Variants in RGL1 observed in about 807,000 individuals in gnomAD.
RGL1 encodes ral guanine nucleotide dissociation stimulator like 1.
RGL1 carries 24 observed loss-of-function variants against 95.2 expected under a neutral mutation model. That is an observed-to-expected ratio of 0.25 (90% confidence interval 0.18 to 0.35). RGL1 has a LOEUF of 0.35. Ranked by LOEUF, RGL1 falls within the 10% of genes least tolerant of loss-of-function variation. The pLI, the probability that RGL1 is intolerant of heterozygous loss-of-function variation, is 1.00. For synonymous variants in RGL1, 329 were observed against 344.9 expected, an observed-to-expected ratio of 0.95 and a Z score of 0.51; for missense variants, 715 against 936.3, an observed-to-expected ratio of 0.76 and a Z score of 3.08.
intron 1 of RGL1, among the ~76,000 whole-genome samples, chr1:183,708,793 G>A (rs997841322): frequency 6.6e-6 from 1 of 152,232 alleles, no homozygotes; most frequent in Non-Finnish European, 1.5e-5. Context: ...TGCATGCACA[G>A]AGAGGTGACT....
chr1:183,922,117 T>C (rs1365136516), intron 16 of RGL1, 105 bp from the exon 17 acceptor site: 8 of 884,388 alleles, frequency 9.0e-6, no homozygotes, highest in South Asian at 1.5e-5. Flanking sequence ...CCGTTCTTTC[T>C]GGAAAGGCAT....
chr1:183,751,496 T>C (rs1328006534), intron 2 of RGL1, among the ~76,000 whole-genome samples: 2 of 152,042 alleles, frequency 1.3e-5, no homozygotes, highest in Non-Finnish European at 2.9e-5. Flanking sequence ...TCTGTAGGGG[T>C]TTGACCTGCT....
chr1:183,880,927 G>T, intron 5 of RGL1, 127 bp downstream of exon 5: 1 of 803,446 alleles, frequency 1.2e-6, no homozygotes. Flanking sequence ...TGCTGCTGGA[G>T]GATTGGCTTG....
intron 2 of RGL1, among the ~76,000 whole-genome samples, chr1:183,813,178 G>A (rs1661838747): frequency 6.6e-6 from 1 of 152,158 alleles, no homozygotes; most frequent in Non-Finnish European, 1.5e-5. Flanking sequence ...GACAAGGTAG[G>A]TGGGGATGAG....
At chr1:183,916,735 C>T (rs745845636) in intron 16 of RGL1, 34 bp downstream of exon 16, 3 of 1,596,518 alleles carry the variant, frequency 1.9e-6, no homozygotes, top group Non-Finnish European at 2.6e-6. Flanking sequence ...GAGCGGGTTT[C>T]CATTTAGATT....
At chr1:183,734,083 A>G (rs1174971980) in intron 1 of RGL1, among the ~76,000 whole-genome samples, 1 of 152,244 alleles carries the variant, frequency 6.6e-6, no homozygotes, top group Non-Finnish European at 1.5e-5. Flanking sequence ...ATTGCTCTTT[A>G]ACCTGAAATG....
intron 15 of RGL1, among the ~76,000 whole-genome samples, chr1:183,915,639 A>G (rs766823005): frequency 1.3e-5 from 2 of 152,250 alleles, no homozygotes; most frequent in Non-Finnish European, 2.9e-5. Flanking sequence ...CGTCTTTATA[A>G]TGCTCTGCAT....
intron 2 of RGL1, among the ~76,000 whole-genome samples, chr1:183,762,728 A>C (rs1658758454): frequency 6.6e-6 from 1 of 152,248 alleles, no homozygotes; most frequent in Admixed American, 6.5e-5. Context: ...ATCATTAAAA[A>C]GTCAAGAAAC....
intron 4 of RGL1, among the ~76,000 whole-genome samples, chr1:183,877,133 T>TA (rs1366433971): frequency 6.6e-6 from 1 of 152,136 alleles, no homozygotes; most frequent in Non-Finnish European, 1.5e-5. Flanking sequence ...GGATGAAAGA[T>TA]AGAGTTTTCT....
At chr1:183,660,547 G>C (rs1651541224) in intron 1 of RGL1, among the ~76,000 whole-genome samples, 1 of 151,452 alleles carries the variant, frequency 6.6e-6, no homozygotes, top group Admixed American at 6.6e-5. Context: ...GGACCACCCA[G>C]ATTCATAAAG....
At chr1:183,843,340 C>G (rs1346083399) in intron 2 of RGL1, among the ~76,000 whole-genome samples, 1 of 152,190 alleles carries the variant, frequency 6.6e-6, no homozygotes, top group Non-Finnish European at 1.5e-5. Flanking sequence ...GATGCAAACC[C>G]TGAGGAACAA....
intron 3 of RGL1, among the ~76,000 whole-genome samples, chr1:183,861,928 C>T (rs1419807436): frequency 1.3e-5 from 2 of 152,180 alleles, no homozygotes; most frequent in South Asian, 2.1e-4. Flanking sequence ...TCAAAGGAAC[C>T]TTCTTAATCT....
chr1:183,736,671 G>C (rs1449216001), intron 1 of RGL1, among the ~76,000 whole-genome samples: 2 of 152,196 alleles, frequency 1.3e-5, no homozygotes, highest in African/African-American at 4.8e-5. Flanking sequence ...AAGAGAGAAT[G>C]TAGGAGGAAA....
At chr1:183,784,317 T>C (rs1660046128) in intron 2 of RGL1, among the ~76,000 whole-genome samples, 1 of 152,074 alleles carries the variant, frequency 6.6e-6, no homozygotes, top group Non-Finnish European at 1.5e-5. Context: ...CAGGAACAGG[T>C]GGCACTTAGA....
chr1:183,802,047 T>A (rs1661021943), upstream of RGL1, among the ~76,000 whole-genome samples: 1 of 152,236 alleles, frequency 6.6e-6, no homozygotes, highest in Admixed American at 6.5e-5. Flanking sequence ...TTAAGGAGTT[T>A]TATAGTTTCA....
At chr1:183,643,564 TA>T (rs1482141293) in intron 1 of RGL1, among the ~76,000 whole-genome samples, 1 of 152,126 alleles carries the variant, frequency 6.6e-6, no homozygotes. Flanking sequence ...GTGCTGGGAT[TA>T]CAGGCGTGAG....
intron 17 of RGL1, among the ~76,000 whole-genome samples, chr1:183,925,707 G>T (rs756360193): frequency 6.6e-6 from 1 of 152,142 alleles, no homozygotes; most frequent in Non-Finnish European, 1.5e-5. Context: ...GAGAAAATCT[G>T]CATACTGGGG....
intron 8 of RGL1, among the ~76,000 whole-genome samples, chr1:183,888,993 CTATT>C (rs1418913650): frequency 6.6e-6 from 1 of 152,150 alleles, no homozygotes; most frequent in South Asian, 2.1e-4. Context: ...CAGTAGGAAA[CTATT>C]TAGTTGTCCT....
intron 2 of RGL1, among the ~76,000 whole-genome samples, chr1:183,755,883 CTTT>C (rs533584889): frequency 2.1e-4 from 28 of 136,372 alleles, no homozygotes; most frequent in Admixed American, 1.5e-4. Flanking sequence ...TGAGTTCATT[CTTT>C]TTTTTTTTTT....
Sources: allele counts gnomAD v4.1 joint callset (sites outside exome capture counted in the v4.1 genomes callset), GRCh38; gene constraint gnomAD v4.1.1; transcripts MANE v1.5; gene names NCBI Gene and HGNC (gene_info 2026-07-23, HGNC 2026-07-21).